Variants in PCLO observed in about 807,000 individuals in gnomAD.
PCLO encodes piccolo presynaptic cytomatrix protein.
PCLO carries 82 observed loss-of-function variants against 427.5 expected under a neutral mutation model. The ratio of observed to expected loss-of-function variants is 0.19; its 90% confidence interval spans 0.16 to 0.23. PCLO has a LOEUF of 0.23. PCLO is among the 10% of genes least tolerant of loss of function. PCLO has a pLI of 1.00. For synonymous variants in PCLO, 2,357 were observed against 2,155.4 expected, an observed-to-expected ratio of 1.09 and a Z score of -2.59; for missense variants, 6,239 against 6,115.9, an observed-to-expected ratio of 1.02 and a Z score of -0.67.
intron 7 of PCLO, chr7:82,914,435 C>T: frequency 3.4e-6 from 2 of 580,016 alleles, no homozygotes; most frequent in Middle Eastern, 3.7e-4. Flanking sequence ...GAAAAGCAGA[C>T]ACCAAACAAA....
intron 3 of PCLO, among the ~76,000 whole-genome samples, chr7:83,032,414 T>TCCCTCCC (rs1788692969): frequency 8.0e-6 from 1 of 124,614 alleles, no homozygotes; most frequent in African/African-American, 3.5e-5. Flanking sequence ...CCCTCCCTCC[T>TCCCTCCC]TCCCTTCCTT....
chr7:82,850,160 C>G (rs1031751346), intron 10 of PCLO, among the ~76,000 whole-genome samples: 1 of 152,020 alleles, frequency 6.6e-6, no homozygotes, highest in Non-Finnish European at 1.5e-5. Context: ...AGGCACCCAC[C>G]ACCACACCCA....
chr7:82,832,332 A>G (rs1007565241), intron 16 of PCLO, among the ~76,000 whole-genome samples: 4 of 151,920 alleles, frequency 2.6e-5, no homozygotes, highest in Non-Finnish European at 5.9e-5. Flanking sequence ...GCTCACTACA[A>G]GCTCTGCCTC....
chr7:83,091,987 TC>T (rs1562959348), intron 3 of PCLO, among the ~76,000 whole-genome samples: 1 of 152,166 alleles, frequency 6.6e-6, no homozygotes, highest in East Asian at 1.9e-4. Context: ...AATTTTTTTT[TC>T]ACTGGTTCAT....
intron 22 of PCLO, among the ~76,000 whole-genome samples, chr7:82,796,506 T>G (rs1791226663): frequency 6.6e-6 from 1 of 152,078 alleles, no homozygotes; most frequent in Non-Finnish European, 1.5e-5. Flanking sequence ...TGTCTAGACC[T>G]TGTTCAACTT....
chr7:83,156,568 TTC>T (rs1435961365), intron 1 of PCLO, among the ~76,000 whole-genome samples, 176 bp from the exon 2 acceptor site: 1 of 151,954 alleles, frequency 6.6e-6, no homozygotes, highest in Non-Finnish European at 1.5e-5. Context: ...ATGCTTTTTT[TTC>T]TTTCTTTAAA....
chr7:82,873,824 GGT>G (rs1491252812), intron 10 of PCLO, among the ~76,000 whole-genome samples: 1 of 139,130 alleles, frequency 7.2e-6, no homozygotes, highest in African/African-American at 2.6e-5. Flanking sequence ...AGATTGGGGG[GGT>G]GGTTTCTGTC....
rs995853860 is a variant in PCLO, at chr7:83,162,676, G to A, written c.-84C>T. The A allele has an allele frequency of 6.9e-7, 1 of 1,444,572 alleles. No homozygotes were observed. Among genetic ancestry groups the A allele is most frequent in the African/African-American group, 1.4e-5 (1 of 70,116 alleles). 89.5% of individuals were successfully genotyped at this position (1,444,572 alleles called of 1,614,324 possible). ...GCCCGCGGCCAGGGGAGCAGTCAGAGCCGGGGTCCGCCTCGGGGCGTGCAG... is the reference window on the plus strand; with the variant it reads ...GCCCGCGGCCAGGGGAGCAGTCAGAACCGGGGTCCGCCTCGGGGCGTGCAG... On this transcript the variant is annotated 5_prime_UTR_variant, in exon 1 of 25. Transcript: ENST00000333891.
intron 3 of PCLO, among the ~76,000 whole-genome samples, chr7:83,121,779 G>A (rs1052664239): frequency 6.6e-6 from 1 of 152,086 alleles, no homozygotes; most frequent in African/African-American, 2.4e-5. Flanking sequence ...AATCAAAGAA[G>A]GTAATAATAT....
intron 3 of PCLO, among the ~76,000 whole-genome samples, chr7:83,100,570 C>T (rs1268898962): frequency 4.6e-5 from 7 of 152,054 alleles, no homozygotes; most frequent in South Asian, 2.1e-4. Context: ...AACCAAATAC[C>T]GCATGTTCTC....
chr7:83,061,008 T>C (rs542912168), intron 3 of PCLO, among the ~76,000 whole-genome samples: 2 of 152,270 alleles, frequency 1.3e-5, no homozygotes, highest in South Asian at 4.1e-4. Flanking sequence ...CCCATATAGA[T>C]TATTGGGCAC....
At chr7:82,959,223 C>T (rs888331542) in intron 4 of PCLO, among the ~76,000 whole-genome samples, 4 of 152,134 alleles carry the variant, frequency 2.6e-5, no homozygotes, top group East Asian at 1.9e-4. Context: ...TGTGCCACCA[C>T]GCCTGGCTAA....
intron 3 of PCLO, among the ~76,000 whole-genome samples, chr7:82,986,860 A>G (rs982692807): frequency 6.6e-6 from 1 of 151,976 alleles, no homozygotes; most frequent in Non-Finnish European, 1.5e-5. Flanking sequence ...ATTTTATTAC[A>G]TCTAGAAATG....
chr7:83,003,689 A>T (rs1056645592), intron 3 of PCLO, among the ~76,000 whole-genome samples: 1 of 151,786 alleles, frequency 6.6e-6, no homozygotes, highest in African/African-American at 2.4e-5. Flanking sequence ...CCTAAGGATA[A>T]ATCCCCCTTA....
At chr7:82,843,893 T>C (rs1792432812) in intron 13 of PCLO, among the ~76,000 whole-genome samples, 1 of 152,010 alleles carries the variant, frequency 6.6e-6, no homozygotes, top group Non-Finnish European at 1.5e-5. Context: ...CTCGAACTCC[T>C]GGTCTCAAGT....
At chr7:82,775,030 T>C (rs1790720425) in intron 22 of PCLO, among the ~76,000 whole-genome samples, 1 of 152,160 alleles carries the variant, frequency 6.6e-6, no homozygotes, top group South Asian at 2.1e-4. Flanking sequence ...TTAGTATGCA[T>C]TTAAGTTCCT....
chr7:83,097,425 G>A (rs1479473245), intron 3 of PCLO, among the ~76,000 whole-genome samples: 2 of 145,860 alleles, frequency 1.4e-5, no homozygotes, highest in African/African-American at 2.5e-5. Context: ...GGGAGGCTGA[G>A]GCAGGAGAAT....
At chr7:83,044,144 C>T (rs1399599867) in intron 3 of PCLO, among the ~76,000 whole-genome samples, 4 of 151,864 alleles carry the variant, frequency 2.6e-5, no homozygotes, top group African/African-American at 7.3e-5. Flanking sequence ...AGGGGAGAGA[C>T]AGCAAGGGAA....
intron 22 of PCLO, among the ~76,000 whole-genome samples, chr7:82,796,943 T>C (rs532589700): frequency 7.9e-5 from 12 of 151,738 alleles, no homozygotes; most frequent in African/African-American, 2.7e-4. Context: ...ACTTTGGAAA[T>C]ATAAGAAAGG....
Sources: allele counts gnomAD v4.1 joint callset (sites outside exome capture counted in the v4.1 genomes callset), GRCh38; gene constraint gnomAD v4.1.1; transcripts MANE v1.5; gene names NCBI Gene and HGNC (gene_info 2026-07-23, HGNC 2026-07-21).